GABRB1: variants seen among roughly 807,000 people sequenced by gnomAD.
GABRB1 encodes gamma-aminobutyric acid receptor subunit beta-1.
A neutral mutation model predicts 51.6 loss-of-function variants in GABRB1; 17 were observed. The ratio of observed to expected loss-of-function variants is 0.33; its 90% CI spans 0.23 to 0.49. GABRB1 has a LOEUF of 0.49. Among genes scored for constraint, GABRB1 ranks in the 20% least tolerant of loss-of-function variants. The pLI is 0.99. For synonymous variants in GABRB1, 247 were observed against 218.9 expected, an observed-to-expected ratio of 1.13 and a Z score of -1.14; for missense variants, 410 against 600.6, an observed-to-expected ratio of 0.68 and a Z score of 3.32.
chr4:47,041,480 T>C (rs1433538814), intron 3 of GABRB1, among the ~76,000 whole-genome samples: 7 of 152,112 alleles, frequency 4.6e-5, no homozygotes, highest in Non-Finnish European at 1.5e-5. Flanking sequence ...GAAAAGAGTA[T>C]GGATGAAAGG....
At chr4:47,056,119 T>G (rs935779848) in intron 3 of GABRB1, among the ~76,000 whole-genome samples, 3 of 152,136 alleles carry the variant, frequency 2.0e-5, no homozygotes, top group Non-Finnish European at 4.4e-5. Context: ...TGGGAAAAAA[T>G]TGCAGCATCC....
chr4:47,422,439 C>A (rs1214909053), intron 8 of GABRB1, among the ~76,000 whole-genome samples: 1 of 152,178 alleles, frequency 6.6e-6, no homozygotes, highest in Non-Finnish European at 1.5e-5. Context: ...TCTTTAACCC[C>A]TTGCAATCCA....
intron 7 of GABRB1, among the ~76,000 whole-genome samples, chr4:47,405,860 A>G (rs922153569): frequency 6.6e-6 from 1 of 152,198 alleles, no homozygotes; most frequent in Admixed American, 6.5e-5. Flanking sequence ...TATACAGCTA[A>G]ACAAACATTA....
chr4:47,283,678 G>A (rs977381230), intron 4 of GABRB1, among the ~76,000 whole-genome samples: 1 of 151,800 alleles, frequency 6.6e-6, no homozygotes, highest in Non-Finnish European at 1.5e-5. Context: ...TTGAGCCACC[G>A]CACCCGGCCT....
chr4:47,044,614 C>T (rs942030901), intron 3 of GABRB1, among the ~76,000 whole-genome samples: 1 of 151,890 alleles, frequency 6.6e-6, no homozygotes, highest in South Asian at 2.1e-4. Flanking sequence ...GTAAAATGTA[C>T]AATAGTGTAA....
intron 5 of GABRB1, among the ~76,000 whole-genome samples, chr4:47,330,312 A>C (rs945264798): frequency 6.6e-6 from 1 of 152,198 alleles, no homozygotes; most frequent in Non-Finnish European, 1.5e-5. Context: ...TGACTACTGG[A>C]CACCTCGTGA....
At position 47,300,701 on chromosome 4, in the gene GABRB1, G is replaced by A. The variant is rs530311622; in HGVS notation, c.462-19426G>A. ...GGGTACATGAGATATTTTGATACAG[G>A]CACAAAGACACTTAGTGTGCTTATA... On this transcript the variant is annotated intron_variant, in intron 4 of 8. Coordinates refer to ENST00000295454, the MANE Select transcript of GABRB1 (RefSeq NM_000812.4). Among the ~76,000 whole-genome samples, 105 of 152,054 alleles carry A rather than the reference G, an allele frequency of 6.9e-4. 5 individuals carry two copies. In the South Asian group the frequency reaches 0.02, roughly 29 times the overall value.
intron 5 of GABRB1, among the ~76,000 whole-genome samples, chr4:47,336,610 G>T (rs1265022925): frequency 6.6e-6 from 1 of 152,124 alleles, no homozygotes; most frequent in African/African-American, 2.4e-5. Context: ...ACCTAGGAGA[G>T]AAGGGTATGC....
At chr4:47,353,043 T>C (rs757469814) in intron 5 of GABRB1, among the ~76,000 whole-genome samples, 15 of 152,160 alleles carry the variant, frequency 9.9e-5, no homozygotes, top group South Asian at 2.1e-4. Flanking sequence ...AGGCACTTCT[T>C]ACATGATGGC....
chr4:47,195,455 AT>A (rs200421674), intron 4 of GABRB1, among the ~76,000 whole-genome samples: 18 of 83,106 alleles, frequency 2.2e-4, no homozygotes, highest in South Asian at 7.0e-4. Flanking sequence ...TGATAGATAG[AT>A]TAGATGATAG....
chr4:47,026,289 C>T (rs1725091093), intron 1 of GABRB1, among the ~76,000 whole-genome samples: 1 of 151,978 alleles, frequency 6.6e-6, no homozygotes, highest in South Asian at 2.1e-4. Context: ...TTTAAATACA[C>T]TCACGAATAA....
At chr4:47,016,989 A>C (rs1233015353) in intron 1 of GABRB1, among the ~76,000 whole-genome samples, 7 of 152,236 alleles carry the variant, frequency 4.6e-5, no homozygotes, top group Non-Finnish European at 2.9e-5. Flanking sequence ...TGTTATAATT[A>C]GAAATTTTAA....
At chr4:47,016,335 G>A (rs1577827553) in intron 1 of GABRB1, among the ~76,000 whole-genome samples, 1 of 151,930 alleles carries the variant, frequency 6.6e-6, no homozygotes, top group Admixed American at 6.6e-5. Context: ...GAATAAAAAA[G>A]CCAATTCTAT....
intron 5 of GABRB1, among the ~76,000 whole-genome samples, chr4:47,390,397 C>T (rs1049762310): frequency 1.3e-5 from 2 of 152,348 alleles, no homozygotes; most frequent in Non-Finnish European, 2.9e-5. Context: ...AAGACTAGAC[C>T]ATCCCCCTAG....
chr4:47,374,456 G>T (rs1000877148), intron 5 of GABRB1, among the ~76,000 whole-genome samples: 1 of 152,172 alleles, frequency 6.6e-6, no homozygotes, highest in African/African-American at 2.4e-5. Flanking sequence ...ACTACTCAGG[G>T]ATAAGGGAAA....
chr4:47,181,905 G>T (rs770875286), intron 4 of GABRB1, among the ~76,000 whole-genome samples: 15 of 151,962 alleles, frequency 9.9e-5, no homozygotes, highest in Admixed American at 9.9e-4. Context: ...AACTTCTAGC[G>T]GGGAGTGGCT....
At chr4:47,267,970 T>C (rs376938427) in intron 4 of GABRB1, among the ~76,000 whole-genome samples, 1 of 152,020 alleles carries the variant, frequency 6.6e-6, no homozygotes. Flanking sequence ...CTCCTGAAGA[T>C]AAAAAAATTT....
At chr4:47,075,663 T>A (rs1433567990) in intron 3 of GABRB1, among the ~76,000 whole-genome samples, 1 of 152,186 alleles carries the variant, frequency 6.6e-6, no homozygotes, top group Non-Finnish European at 1.5e-5. Flanking sequence ...TCTTTAAGGT[T>A]TTTGTTCTTC....
At chr4:47,331,507 G>C (rs1489222330) in intron 5 of GABRB1, among the ~76,000 whole-genome samples, 2 of 151,506 alleles carry the variant, frequency 1.3e-5, no homozygotes, top group Non-Finnish European at 2.9e-5. Flanking sequence ...GAATATCTCA[G>C]ATTTACAGAT....
Sources: allele counts gnomAD v4.1 joint callset (sites outside exome capture counted in the v4.1 genomes callset), GRCh38; gene constraint gnomAD v4.1.1; transcripts MANE v1.5; gene names NCBI Gene and HGNC (gene_info 2026-07-23, HGNC 2026-07-21).